PRKN: variants seen among roughly 807,000 people sequenced by gnomAD.
PRKN encodes the protein E3 ubiquitin-protein ligase parkin.
Under a neutral mutation model 59.5 loss-of-function variants are expected in PRKN, and 56 were observed. The observed-to-expected ratio is 0.94, with a 90% CI of 0.76 to 1.18. The LOEUF is 1.18. Among genes scored for constraint, PRKN ranks in the 50% most tolerant of loss-of-function variants. PRKN has a pLI of 0.00. For synonymous variants in PRKN, 250 were observed against 222.1 expected (o/e 1.13, Z -1.12); for missense variants, 657 against 596.4 (o/e 1.10, Z -1.06).
At chr6:162,129,346 A>G (rs1168314896) in intron 4 of PRKN, among the ~76,000 whole-genome samples, 2 of 152,368 alleles carry the variant, frequency 1.3e-5, no homozygotes, top group South Asian at 2.1e-4. Context: ...TCAAATATAA[A>G]TAAGTGTTTG....
chr6:161,494,718 A>C (rs942158236), intron 9 of PRKN, among the ~76,000 whole-genome samples: 32 of 152,236 alleles, frequency 2.1e-4, no homozygotes, highest in African/African-American at 6.3e-4. Context: ...AAGCACATGT[A>C]TTCCCATCTT....
chr6:161,465,621 C>T (rs750692922), intron 9 of PRKN, among the ~76,000 whole-genome samples: 3 of 152,058 alleles, frequency 2.0e-5, no homozygotes, highest in African/African-American at 7.2e-5. Context: ...ATGAGGTTCC[C>T]TCTGGCAGCT....
intron 7 of PRKN, among the ~76,000 whole-genome samples, chr6:161,681,446 A>C (rs889124193): frequency 9.9e-5 from 15 of 151,534 alleles, no homozygotes; most frequent in Admixed American, 5.9e-4. Context: ...AAAGAGTCCA[A>C]GTAAATCTTT....
At chr6:162,156,643 G>A (rs892968739) in intron 4 of PRKN, among the ~76,000 whole-genome samples, 11 of 152,080 alleles carry the variant, frequency 7.2e-5, no homozygotes, top group African/African-American at 2.4e-4. Context: ...TGATTAGATT[G>A]TGCCCACCCA....
chr6:161,784,149 A>T (rs1166033563), intron 7 of PRKN, among the ~76,000 whole-genome samples: 6 of 152,222 alleles, frequency 3.9e-5, no homozygotes, highest in Non-Finnish European at 4.4e-5. Context: ...TACATAAATT[A>T]CCTCAAACTA....
chr6:161,918,997 C>T (rs1049983471), intron 6 of PRKN, among the ~76,000 whole-genome samples: 1 of 152,102 alleles, frequency 6.6e-6, no homozygotes, highest in Non-Finnish European at 1.5e-5. Flanking sequence ...AACTGTTAAG[C>T]ACACGACTGT....
rs969446785 is a variant in PRKN, at chr6:161,551,277, A to G, written c.934-2274T>C. ...GCACAGCCCCAAATGCCAAGGAAGG[A>G]CCTGGGGAGGCGCGCTGGCGACCTG... On this transcript the variant is annotated intron_variant, in intron 8 of 11. Transcript: ENST00000366898. This position sits in a 1 kb window ranked among gnomAD's most constrained non-coding sequence, Gnocchi z 5.2. 3.3e-5 allele frequency among the ~76,000 whole-genome samples: 5 copies of G among 152,318 alleles called. No individual in the cohort carries two copies. The highest frequency in any genetic ancestry group is 3.3e-4 in the Admixed American group (5 of 15,302).
chr6:162,207,287 G>A (rs1038866331), intron 3 of PRKN, among the ~76,000 whole-genome samples: 38 of 152,054 alleles, frequency 2.5e-4, no homozygotes, highest in African/African-American at 8.0e-4. Flanking sequence ...CAGGAGAATC[G>A]CTTGAACCCA....
chr6:162,274,160 A>T (rs1373447297), intron 2 of PRKN, among the ~76,000 whole-genome samples: 6 of 151,776 alleles, frequency 4.0e-5, no homozygotes, highest in African/African-American at 1.5e-4. Flanking sequence ...TAATTTAATT[A>T]ATTAATTTAT....
intron 2 of PRKN, among the ~76,000 whole-genome samples, chr6:162,352,676 A>G (rs1053073624): frequency 9.8e-5 from 15 of 152,294 alleles, no homozygotes; most frequent in African/African-American, 3.6e-4. Context: ...ATTCCTGTAA[A>G]AGATATCTTC....
Position 161,454,010 on chromosome 6 carries a change from T to C in PRKN, c.1084-67133A>G, listed in dbSNP as rs1410300601. Among the ~76,000 whole-genome samples the C allele has an allele frequency of 6.6e-6, 1 of 152,126 alleles. No homozygotes were observed. Among genetic ancestry groups the C allele is most frequent in the Non-Finnish European group, 1.5e-5 (1 of 68,020 alleles). ...TACAATATATAACAGAAGTGTTTTC[T>C]TGGTGTCTGCAATGCAAATTCTGAT... On this transcript the variant is annotated intron_variant, in intron 9 of 11. Coordinates refer to ENST00000366898, the MANE Select transcript of PRKN (RefSeq NM_004562.3). The surrounding 1 kb of genome is among the most constrained non-coding windows in gnomAD (Gnocchi z 4.6).
At chr6:161,664,781 AACTG>A (rs1267812361) in intron 7 of PRKN, among the ~76,000 whole-genome samples, 2 of 142,470 alleles carry the variant, frequency 1.4e-5, no homozygotes, top group African/African-American at 2.6e-5. Context: ...TAAAAACAAC[AACTG>A]ACTTTTTCTT....
intron 4 of PRKN, among the ~76,000 whole-genome samples, chr6:162,104,218 G>C (rs1261871794): frequency 1.3e-5 from 2 of 152,170 alleles, no homozygotes; most frequent in African/African-American, 2.4e-5. Context: ...AGGGGTGAAT[G>C]AGTTAATCCA....
chr6:162,623,765 T>G (rs1317502052), intron 1 of PRKN, among the ~76,000 whole-genome samples: 1 of 152,108 alleles, frequency 6.6e-6, no homozygotes, highest in Non-Finnish European at 1.5e-5. Context: ...AAACAGTGAT[T>G]TTAAAAATTT....
chr6:162,021,052 G>A (rs1179885369), intron 5 of PRKN, among the ~76,000 whole-genome samples: 1 of 144,364 alleles, frequency 6.9e-6, no homozygotes, highest in Non-Finnish European at 1.5e-5. Context: ...GCAGTGAGTC[G>A]AGATCATACC....
intron 6 of PRKN, among the ~76,000 whole-genome samples, chr6:161,899,947 C>A (rs550099142): frequency 1.3e-5 from 2 of 152,084 alleles, no homozygotes; most frequent in South Asian, 2.1e-4. Flanking sequence ...CATGATCAAA[C>A]CCTGTCTCTA....
At chr6:162,396,786 A>G (rs181484161) in intron 2 of PRKN, among the ~76,000 whole-genome samples, 1 of 152,208 alleles carries the variant, frequency 6.6e-6, no homozygotes, top group African/African-American at 2.4e-5. Flanking sequence ...AAAAGAAGCA[A>G]TCATATTTAC....
In PRKN at chr6:161,849,103, C is replaced by T. The variant is rs77832977; in HGVS notation, c.735-63195G>A. Among the ~76,000 whole-genome samples the T allele has an allele frequency of 6.0e-3, 910 of 152,292 alleles. 65 individuals are homozygous for T. In the East Asian group the frequency reaches 0.14, roughly 24 times the overall value. On this transcript the variant is annotated intron_variant, in intron 6 of 11. Transcript: ENST00000366898. ...CCAGTCTACAGAAATGAAGACTTTA[C>T]TTGGCATACTGCTCGTTTGCACTTG...
intron 2 of PRKN, among the ~76,000 whole-genome samples, chr6:162,363,011 AC>A (rs1013462704): frequency 1.5e-4 from 23 of 150,986 alleles, no homozygotes; most frequent in Admixed American, 1.1e-3. Flanking sequence ...GCCTGTAGTC[AC>A]AGCTACTCGG....
Sources: gnomAD v4.1 joint callset for allele counts (sites outside exome capture counted in the v4.1 genomes callset) on GRCh38, gnomAD v4.1.1 for gene constraint, Gnocchi (gnomAD v3.1) non-coding constraint, MANE v1.5 for transcripts, NCBI Gene and HGNC (gene_info 2026-07-23, HGNC 2026-07-21) for gene names.